Variants in CNPY2 observed in about 807,000 individuals in gnomAD.
CNPY2 encodes the protein canopy FGF signaling regulator 2.
In CNPY2, 19 loss-of-function variants were observed where a neutral mutation model predicts 25.5. The ratio of observed to expected loss-of-function variants is 0.74; its 90% confidence interval spans 0.52 to 1.09. The LOEUF (loss-of-function observed/expected upper bound fraction) is 1.09. Ranked by LOEUF, CNPY2 falls within the 50% of genes least tolerant of loss-of-function variation. The pLI, the probability that CNPY2 is intolerant of heterozygous loss-of-function variation, is 0.00. For synonymous variants in CNPY2, 82 were observed against 85.0 expected (o/e 0.96, Z 0.19); for missense variants, 214 against 233.6 (o/e 0.92, Z 0.55).
chr12:56,311,076 G>T, intron 4 of CNPY2, 22 bp from the exon 5 acceptor site: 1 of 1,611,768 alleles, frequency 6.2e-7, no homozygotes, highest in South Asian at 1.1e-5. Context: ...AGGGAGAAAT[G>T]GGTGACACAG....
rs763970719 is a variant in CNPY2 at position 56,309,974 on chromosome 12, T to G, written c.*578A>C. ...TCCGATAAAGCCCTTACTTTTCAGC[T>G]GAGTTGGTCACATCCATTTTCCCCT... On this transcript the variant is annotated 3_prime_UTR_variant, in exon 6 of 6. Coordinates refer to ENST00000273308, the MANE Select transcript of CNPY2 (RefSeq NM_014255.7). 1.3e-5 allele frequency: 9 copies of G among 702,296 alleles called. No individual in the cohort carries two copies. The highest frequency in any genetic ancestry group is 3.5e-5 in the African/African-American group (2 of 57,268). The allele number at this position is 702,296 out of a possible 1,614,324, so 43.5% of individuals were successfully genotyped here.
At chr12:56,313,756 A>ATGAG (rs1279531552) in intron 3 of CNPY2, among the ~76,000 whole-genome samples, 20 of 147,964 alleles carry the variant, frequency 1.4e-4, no homozygotes, top group East Asian at 2.1e-4. Flanking sequence ...ACAGGCACCC[A>ATGAG]CCACCACGCC....
At chr12:56,314,474 T>A in intron 3 of CNPY2, 1 of 1,103,220 alleles carries the variant, frequency 9.1e-7, no homozygotes, top group South Asian at 2.5e-5. Context: ...AATTTCCTAA[T>A]TATGAGGATA....
At chr12:56,314,717 C>T (rs1873833382) in intron 3 of CNPY2, 134 bp downstream of exon 3, 1 of 1,524,890 alleles carries the variant, frequency 6.6e-7, no homozygotes, top group Non-Finnish European at 8.8e-7. Context: ...CAGCTTCTTC[C>T]AAATGAGACA....
intron 3 of CNPY2, 105 bp downstream of exon 3, chr12:56,314,746 G>T: frequency 6.4e-7 from 1 of 1,569,712 alleles, no homozygotes; most frequent in Admixed American, 1.9e-5. Context: ...TCTTTTTTCT[G>T]AGTCTGTTTT....
rs201999024 is a variant in CNPY2 at position 56,311,203 on chromosome 12, T to C, written c.408+8A>G. On this transcript the variant is annotated splice_region_variant and intron_variant, in intron 4 of 5. Coordinates refer to ENST00000273308, the MANE Select transcript of CNPY2 (RefSeq NM_014255.7). The stretch of plus-strand genomic sequence containing the variant: ...TCCAAGAACCAGCTACCGATTCCCA[T>C]AGCTCACCGCAAACTTGAGGGTGCC... The C allele has an allele frequency of 4.9e-5, 79 of 1,613,954 alleles. No homozygotes were observed. In the East Asian group the frequency reaches 1.4e-3, roughly 28 times the overall value.
intron 3 of CNPY2, 75 bp downstream of exon 3, chr12:56,314,776 A>C (rs753557012): frequency 6.2e-7 from 1 of 1,610,658 alleles, no homozygotes. Context: ...TATTAAACCA[A>C]GGTCCTTTTT....
At chr12:56,314,240 G>A (rs1472018513) in intron 3 of CNPY2, among the ~76,000 whole-genome samples, 5 of 151,864 alleles carry the variant, frequency 3.3e-5, no homozygotes, top group East Asian at 3.9e-4. Flanking sequence ...GCACAATCAC[G>A]GCTTACTGCA....
intron 1 of CNPY2, 27 bp from the exon 2 acceptor site, chr12:56,315,269 A>C: frequency 7.1e-7 from 1 of 1,411,912 alleles, no homozygotes; most frequent in Non-Finnish European, 9.9e-7. Context: ...ATAAAACATA[A>C]GTGTGAGGAG....
chr12:56,310,638 C>T, intron 5 of CNPY2, 43 bp from the exon 6 acceptor site: 1 of 1,606,210 alleles, frequency 6.2e-7, no homozygotes, highest in Non-Finnish European at 8.5e-7. Context: ...CATTCTCATA[C>T]TGATATCTGC....
chr12:56,310,214 G>A lies in CNPY2; in HGVS notation c.*338C>T, dbSNP rs937496912. 7.5e-5 allele frequency: 45 copies of A among 601,542 alleles called. No individual in the cohort carries two copies. The highest frequency in any genetic ancestry group is 3.2e-5 in the Non-Finnish European group (11 of 340,346). The allele number at this position is 601,542 out of a possible 1,614,324, so 37.3% of individuals were successfully genotyped here. ...TTCTCCACAATTAGACTCTAAAGAC[G>A]TGGTATTGAGTGGGCACTGACTGAA... On this transcript the variant is annotated 3_prime_UTR_variant, in exon 6 of 6. Coordinates refer to ENST00000273308, the MANE Select transcript of CNPY2 (RefSeq NM_014255.7).
At chr12:56,311,156 G>A in intron 4 of CNPY2, 55 bp downstream of exon 4, 1 of 1,606,578 alleles carries the variant, frequency 6.2e-7, no homozygotes, top group Non-Finnish European at 8.5e-7. Flanking sequence ...TTTCTAATTG[G>A]TTCTCCAACA....
chr12:56,313,415 G>A (rs1053026936), intron 3 of CNPY2, among the ~76,000 whole-genome samples: 1 of 151,812 alleles, frequency 6.6e-6, no homozygotes, highest in Non-Finnish European at 1.5e-5. Flanking sequence ...GCTTGAACCC[G>A]GGAGGCAGAG....
chr12:56,312,983 A>C (rs926986970), intron 3 of CNPY2: 4 of 151,874 alleles, frequency 2.6e-5, no homozygotes, highest in African/African-American at 9.7e-5. Context: ...GATGAAGATA[A>C]TTTTTTTTTA....
chr12:56,315,323 C>T (rs1444282919), intron 1 of CNPY2, 81 bp from the exon 2 acceptor site: 8 of 746,450 alleles, frequency 1.1e-5, no homozygotes, highest in Non-Finnish European at 1.8e-5. Context: ...CACCCCAAGG[C>T]TTTCAAAGGC....
Position 56,313,847 on chromosome 12 carries a change from C to T in CNPY2, c.204+1004G>A, listed in dbSNP as rs539590318. Among the ~76,000 whole-genome samples the T allele has an allele frequency of 3.3e-5, 5 of 150,640 alleles. No homozygotes were observed. The South Asian group carries it at 1.1e-3, about 32-fold the overall frequency. On this transcript the variant is annotated intron_variant, in intron 3 of 5. Coordinates refer to ENST00000273308, the MANE Select transcript of CNPY2 (RefSeq NM_014255.7). ...GGTTTCGATCTCCTGACCTTGTGAT[C>T]TGCCCACCTCAGCCTCCCAAAGTGC...
chr12:56,315,370 C>A, intron 1 of CNPY2, 128 bp from the exon 2 acceptor site: 1 of 622,738 alleles, frequency 1.6e-6, no homozygotes, highest in Non-Finnish European at 2.8e-6. Flanking sequence ...CAGGAAATGG[C>A]CGGGACACAA....
chr12:56,315,927 T>A lies in CNPY2; in HGVS notation c.-132A>T, dbSNP rs982727319. ...TACACCTGGCTGCAGGGAGCAGGGCTGTCCGGGATTCTCCAGAGCGCTTCG... is the reference window on the plus strand; with the variant it reads ...TACACCTGGCTGCAGGGAGCAGGGCAGTCCGGGATTCTCCAGAGCGCTTCG... On this transcript the variant is annotated 5_prime_UTR_variant, in exon 1 of 6. Coordinates refer to ENST00000273308, the MANE Select transcript of CNPY2 (RefSeq NM_014255.7). The A allele has an allele frequency of 2.0e-5, 3 of 152,516 alleles. No individual in the cohort carries two copies. The highest frequency in any genetic ancestry group is 4.8e-5 in the African/African-American group (2 of 41,460). 9.4% of individuals were successfully genotyped at this position (152,516 alleles called of 1,614,324 possible).
At chr12:56,314,153 T>C (rs1002833588) in intron 3 of CNPY2, among the ~76,000 whole-genome samples, 4 of 152,116 alleles carry the variant, frequency 2.6e-5, no homozygotes, top group African/African-American at 9.7e-5. Flanking sequence ...TCCGCCTGCC[T>C]TGGCCTCCCA....
Sources: allele counts gnomAD v4.1 joint callset (sites outside exome capture counted in the v4.1 genomes callset), GRCh38; gene constraint gnomAD v4.1.1; transcripts MANE v1.5; gene names NCBI Gene and HGNC (gene_info 2026-07-23, HGNC 2026-07-21).